Variants in CEP128 observed in about 807,000 individuals in gnomAD.
The protein encoded by CEP128 is centrosomal protein 128kDa.
Under a neutral mutation model 156.7 loss-of-function variants are expected in CEP128, and 132 were observed. The observed-to-expected ratio is 0.84, with a 90% CI of 0.73 to 0.97. The LOEUF is 0.97. Ranked by LOEUF, CEP128 falls within the 50% of genes least tolerant of loss-of-function variation. CEP128 has a pLI of 0.00. For synonymous variants in CEP128, 469 were observed against 448.9 expected (o/e 1.04, Z -0.57); for missense variants, 1,252 against 1,281.9 (o/e 0.98, Z 0.36).
At chr14:80,590,962 G>T (rs1892033203) in intron 19 of CEP128, among the ~76,000 whole-genome samples, 1 of 152,190 alleles carries the variant, frequency 6.6e-6, no homozygotes, top group Non-Finnish European at 1.5e-5. Context: ...AATGCTGAGA[G>T]ATTCTGTCAC....
intron 9 of CEP128, among the ~76,000 whole-genome samples, chr14:80,856,052 G>A (rs1222171691): frequency 6.6e-6 from 1 of 152,088 alleles, no homozygotes; most frequent in African/African-American, 2.4e-5. Context: ...GAAGAAAAAT[G>A]TTGGAAAAAA....
chr14:80,614,814 C>T (rs529815788), intron 19 of CEP128, among the ~76,000 whole-genome samples: 16 of 152,306 alleles, frequency 1.1e-4, no homozygotes, highest in East Asian at 1.9e-4. Context: ...TAATAGCATT[C>T]GTCTTGCTTT....
chr14:80,498,951 T>C (rs750195469), intron 24 of CEP128, among the ~76,000 whole-genome samples: 13 of 152,166 alleles, frequency 8.5e-5, no homozygotes, highest in Non-Finnish European at 1.6e-4. Context: ...CTTGTCAACT[T>C]GCAAAAACCA....
At chr14:80,636,718 A>G (rs932561589) in intron 19 of CEP128, among the ~76,000 whole-genome samples, 4 of 152,152 alleles carry the variant, frequency 2.6e-5, no homozygotes, top group Non-Finnish European at 5.9e-5. Context: ...TGGGACTGGA[A>G]TTAGTCTCCT....
At chr14:80,841,957 T>A (rs1441835077) in intron 9 of CEP128, among the ~76,000 whole-genome samples, 2 of 151,882 alleles carry the variant, frequency 1.3e-5, no homozygotes, top group Non-Finnish European at 2.9e-5. Context: ...CTCAAAAAAA[T>A]TAAATTAAAA....
At chr14:80,693,793 C>T (rs1034316819) in intron 19 of CEP128, among the ~76,000 whole-genome samples, 9 of 152,124 alleles carry the variant, frequency 5.9e-5, no homozygotes, top group African/African-American at 9.7e-5. Flanking sequence ...GCTAGATCAC[C>T]ATGAATAATC....
intron 13 of CEP128, among the ~76,000 whole-genome samples, chr14:80,827,095 C>T (rs1272568003): frequency 6.6e-6 from 1 of 152,010 alleles, no homozygotes; most frequent in Non-Finnish European, 1.5e-5. Flanking sequence ...TGTAAAACAA[C>T]TGCTTGAAAT....
chr14:80,912,523 C>CAATTCCCAT (rs1302965398), intron 4 of CEP128, among the ~76,000 whole-genome samples: 1 of 152,136 alleles, frequency 6.6e-6, no homozygotes. Flanking sequence ...AGCAAAGACT[C>CAATTCCCAT]AATTCCCATT....
At chr14:80,830,420 A>G in intron 13 of CEP128, 1 of 396,794 alleles carries the variant, frequency 2.5e-6, no homozygotes, top group Non-Finnish European at 4.5e-6. Context: ...ACACAACTTC[A>G]CTTACAAAAA....
intron 19 of CEP128, among the ~76,000 whole-genome samples, chr14:80,728,047 C>G (rs1384263506): frequency 6.6e-6 from 1 of 152,166 alleles, no homozygotes; most frequent in Non-Finnish European, 1.5e-5. Context: ...AAGACACATG[C>G]ATACGTATGT....
intron 23 of CEP128, chr14:80,514,798 G>A (rs964124877): frequency 4.6e-6 from 1 of 215,964 alleles, no homozygotes; most frequent in Non-Finnish European, 1.0e-5. Flanking sequence ...CGATGTCTGA[G>A]CCCTGAAGAG....
At chr14:80,566,913 A>G (rs1238207245) in intron 20 of CEP128, among the ~76,000 whole-genome samples, 1 of 152,222 alleles carries the variant, frequency 6.6e-6, no homozygotes, top group Non-Finnish European at 1.5e-5. Flanking sequence ...GAAAAAAAAA[A>G]AAACCAACAT....
chr14:80,678,565 C>T (rs1896184977), intron 19 of CEP128, among the ~76,000 whole-genome samples: 1 of 152,050 alleles, frequency 6.6e-6, no homozygotes. Context: ...TAAAGGATAC[C>T]CCAGATCCAG....
chr14:80,706,140 T>C (rs2590484), intron 19 of CEP128, among the ~76,000 whole-genome samples: 81,228 of 151,728 alleles, frequency 0.54, 22,125 homozygotes, highest in East Asian at 0.72. Context: ...GAAGAAACTT[T>C]CCCTCATCAA....
chr14:80,860,328 T>A (rs2140152272), intron 9 of CEP128, among the ~76,000 whole-genome samples: 1 of 152,318 alleles, frequency 6.6e-6, no homozygotes. Flanking sequence ...TTATCAATAG[T>A]GATCTCCTAT....
At chr14:80,731,878 T>C (rs2139528708) in intron 19 of CEP128, among the ~76,000 whole-genome samples, 1 of 152,344 alleles carries the variant, frequency 6.6e-6, no homozygotes, top group Non-Finnish European at 1.5e-5. Flanking sequence ...ATATTTGGTC[T>C]TGTGTTTTGA....
chr14:80,493,937 T>C (rs1887409580), downstream of CEP128, among the ~76,000 whole-genome samples: 2 of 152,238 alleles, frequency 1.3e-5, no homozygotes, highest in Non-Finnish European at 2.9e-5. Flanking sequence ...AAAGCTACGG[T>C]GACTTTTCTG....
At chr14:80,515,373 C>G (rs1457835321) in intron 23 of CEP128, among the ~76,000 whole-genome samples, 1 of 152,200 alleles carries the variant, frequency 6.6e-6, no homozygotes, top group Non-Finnish European at 1.5e-5. Context: ...ACTTGGTGCT[C>G]TGTTCTACTG....
At chr14:80,515,493 A>G (rs992316434) in intron 23 of CEP128, among the ~76,000 whole-genome samples, 2 of 152,120 alleles carry the variant, frequency 1.3e-5, no homozygotes, top group African/African-American at 4.8e-5. Flanking sequence ...CAGGCCCATG[A>G]TGAGTACTGC....
Sources: gnomAD v4.1 joint callset for allele counts (sites outside exome capture counted in the v4.1 genomes callset) on GRCh38, gnomAD v4.1.1 for gene constraint, MANE v1.5 for transcripts, NCBI Gene and HGNC (gene_info 2026-07-23, HGNC 2026-07-21) for gene names.